CFTR: variants seen among roughly 807,000 people sequenced by gnomAD.
CFTR encodes the protein CF transmembrane conductance regulator, also known as cystic fibrosis transmembrane conductance regulator.
In CFTR, 181 loss-of-function variants were observed where a neutral mutation model predicts 171.6. The ratio of observed to expected loss-of-function variants is 1.05; its 90% confidence interval spans 0.93 to 1.19. The LOEUF is 1.19. Ranked by LOEUF, CFTR falls within the 50% of genes most tolerant of loss-of-function variation. CFTR has a pLI of 0.00. For missense variants in CFTR, 1,968 were observed against 1,734.7 expected, an observed-to-expected ratio of 1.13 and a Z score of -2.39; for synonymous variants, 583 against 608.0, an observed-to-expected ratio of 0.96 and a Z score of 0.60.
rs1554380796 is a variant in CFTR at position 117,536,621 on chromosome 7, AAGGCAT to A, written c.819_824del (p.Lys273_Tyr275delinsAsn). The A allele has an allele frequency of 6.2e-7, 1 of 1,611,286 alleles. No individual in the cohort carries two copies. Among genetic ancestry groups the A allele is most frequent in the Non-Finnish European group, 8.5e-7 (1 of 1,178,660 alleles). ...AATGATTGAAAATATCCAATCTGTT[AAGGCAT>A]ACTGCTGGGAAGAAGCAATGGAAAA... On this transcript the variant is annotated inframe_deletion, in exon 7 of 27. Transcript: ENST00000003084.
intron 11 of CFTR, among the ~76,000 whole-genome samples, chr7:117,563,587 TA>T (rs1157683026): frequency 2.6e-5 from 4 of 152,176 alleles, no homozygotes; most frequent in African/African-American, 7.2e-5. Flanking sequence ...GGAAGACAGG[TA>T]GAAATGCTAT....
chr7:117,649,392 A>G (rs912780019), intron 23 of CFTR, among the ~76,000 whole-genome samples: 4 of 149,822 alleles, frequency 2.7e-5, no homozygotes, highest in Non-Finnish European at 5.9e-5. Context: ...CTATATATAC[A>G]CACATATATC....
intron 3 of CFTR, 139 bp downstream of exon 3, chr7:117,509,281 A>G (rs1798475641): frequency 7.5e-6 from 5 of 668,482 alleles, no homozygotes; most frequent in Admixed American, 2.5e-5. Flanking sequence ...GAAACCACCT[A>G]AAACTCTAGT....
chr7:117,495,901 A>G (rs974771271), intron 1 of CFTR, among the ~76,000 whole-genome samples: 2 of 152,214 alleles, frequency 1.3e-5, no homozygotes, highest in African/African-American at 4.8e-5. Context: ...AAAACAACTT[A>G]CCCATTTAAA....
intron 23 of CFTR, among the ~76,000 whole-genome samples, chr7:117,645,261 A>T (rs527808388): frequency 2.0e-5 from 3 of 152,326 alleles, no homozygotes; most frequent in Admixed American, 1.3e-4. Flanking sequence ...CATGCTTAAC[A>T]TTATAAGTAT....
At chr7:117,551,113 G>A (rs1254126297) in intron 10 of CFTR, among the ~76,000 whole-genome samples, 1 of 152,178 alleles carries the variant, frequency 6.6e-6, no homozygotes, top group Non-Finnish European at 1.5e-5. Flanking sequence ...GAGATCTTAT[G>A]TAAAGCTCTT....
At chr7:117,568,950 A>G (rs1791645255) in intron 11 of CFTR, among the ~76,000 whole-genome samples, 1 of 152,146 alleles carries the variant, frequency 6.6e-6, no homozygotes, top group Non-Finnish European at 1.5e-5. Flanking sequence ...TTGGGTGGAT[A>G]GTAGTACTAT....
chr7:117,535,469 CT>C, intron 6 of CFTR, 58 bp downstream of exon 6: 1 of 1,517,756 alleles, frequency 6.6e-7, no homozygotes, highest in Non-Finnish European at 9.1e-7. Flanking sequence ...AAAAAGCCCA[CT>C]TTAGTAAAAC....
intron 1 of CFTR, among the ~76,000 whole-genome samples, chr7:117,496,213 A>AT (rs1162021855): frequency 6.6e-6 from 1 of 151,264 alleles, no homozygotes; most frequent in African/African-American, 2.4e-5. Flanking sequence ...ATTCTTTTTT[A>AT]TTTTTTTAGA....
At chr7:117,611,105 T>C (rs1384070399) in intron 19 of CFTR, among the ~76,000 whole-genome samples, 1 of 152,174 alleles carries the variant, frequency 6.6e-6, no homozygotes, top group Non-Finnish European at 1.5e-5. Context: ...GCCCCCAAAC[T>C]CTACTTGAGC....
At chr7:117,578,285 G>A (rs1037209447) in intron 11 of CFTR, among the ~76,000 whole-genome samples, 2 of 151,852 alleles carry the variant, frequency 1.3e-5, no homozygotes, top group Non-Finnish European at 2.9e-5. Context: ...CTATGAGGAC[G>A]AAGACCTTTA....
At chr7:117,549,094 C>G (rs1799223388) in intron 10 of CFTR, among the ~76,000 whole-genome samples, 1 of 152,238 alleles carries the variant, frequency 6.6e-6, no homozygotes, top group South Asian at 2.1e-4. Flanking sequence ...GGCGAGCATT[C>G]AATAACTTTA....
chr7:117,523,974 G>A (rs1318001379), intron 3 of CFTR, among the ~76,000 whole-genome samples: 1 of 152,010 alleles, frequency 6.6e-6, no homozygotes, highest in African/African-American at 2.4e-5. Context: ...CTTCTTTTTA[G>A]CATCCTATAG....
intron 1 of CFTR, among the ~76,000 whole-genome samples, chr7:117,485,527 G>A (rs1798061151): frequency 6.6e-6 from 1 of 152,178 alleles, no homozygotes; most frequent in South Asian, 2.1e-4. Flanking sequence ...TTACCACATA[G>A]TTGTTTCAGT....
intron 23 of CFTR, among the ~76,000 whole-genome samples, chr7:117,652,571 A>G (rs1317192008): frequency 1.3e-5 from 2 of 152,130 alleles, no homozygotes; most frequent in Admixed American, 1.3e-4. Flanking sequence ...ACAATTAACA[A>G]TTATCTCAAT....
At chr7:117,652,675 C>T (rs932160175) in intron 23 of CFTR, among the ~76,000 whole-genome samples, 167 bp from the exon 24 acceptor site, 2 of 151,924 alleles carry the variant, frequency 1.3e-5, no homozygotes, top group Non-Finnish European at 2.9e-5. Flanking sequence ...TGATACAAAG[C>T]AGACATGATA....
intron 16 of CFTR, among the ~76,000 whole-genome samples, 167 bp from the exon 17 acceptor site, chr7:117,603,365 A>AT (rs1792253503): frequency 6.6e-6 from 1 of 152,192 alleles, no homozygotes; most frequent in Non-Finnish European, 1.5e-5. Flanking sequence ...GTGAGAAAAC[A>AT]TATCTATTTT....
chr7:117,555,053 A>C (rs941463861), intron 10 of CFTR, among the ~76,000 whole-genome samples: 1 of 152,146 alleles, frequency 6.6e-6, no homozygotes, highest in African/African-American at 2.4e-5. Context: ...ATTTTTTTTC[A>C]GTTAATACAT....
rs63500661 is a variant in CFTR, at chr7:117,597,825, A to G, written c.2619+2767A>G. ...CACATCACCAAGTTAAAAAAAAAAA[A>G]GGGGCGGGGGGGCAGAATGAAAATT... On this transcript the variant is annotated intron_variant, in intron 15 of 26. Coordinates refer to ENST00000003084, the MANE Select transcript of CFTR (RefSeq NM_000492.4). Among the ~76,000 whole-genome samples the G allele has an allele frequency of 2.8e-4, 39 of 140,952 alleles. No homozygotes were observed. The East Asian group carries it at 3.9e-3, about 14-fold the overall frequency. 92.5% of individuals were successfully genotyped at this position (140,952 alleles called of 152,430 possible).
Sources: gnomAD v4.1 joint callset for allele counts (sites outside exome capture counted in the v4.1 genomes callset) on GRCh38, gnomAD v4.1.1 for gene constraint, MANE v1.5 for transcripts, NCBI Gene and HGNC (gene_info 2026-07-23, HGNC 2026-07-21) for gene names.